Variants in NRXN3 observed in about 807,000 individuals in gnomAD.
The protein encoded by NRXN3 is neurexin 3, also known as neurexin III.
Under a neutral mutation model 137.6 loss-of-function variants are expected in NRXN3, and 32 were observed. The observed-to-expected ratio is 0.23, with a 90% CI of 0.18 to 0.31. NRXN3 has a LOEUF of 0.31. NRXN3 is among the 10% of genes least tolerant of loss of function. The probability of loss-of-function intolerance (pLI) is 1.00; values close to 1 mark genes in which losing one functional copy is unlikely to be tolerated. For synonymous variants in NRXN3, 798 were observed against 784.5 expected (o/e 1.02, Z -0.29); for missense variants, 1,574 against 2,062.5 (o/e 0.76, Z 4.59).
chr14:79,146,820 G>T (rs1320496749), intron 15 of NRXN3, among the ~76,000 whole-genome samples: 1 of 152,198 alleles, frequency 6.6e-6, no homozygotes, highest in African/African-American at 2.4e-5. Flanking sequence ...GCAGAAGGAA[G>T]AGAGGCAGCC....
At chr14:79,495,484 A>G (rs1601188036) in intron 16 of NRXN3, among the ~76,000 whole-genome samples, 1 of 152,184 alleles carries the variant, frequency 6.6e-6, no homozygotes, top group African/African-American at 2.4e-5. Flanking sequence ...CTAATTACAT[A>G]TGATATAAAG....
chr14:78,630,791 G>A (rs1409566643), intron 4 of NRXN3, among the ~76,000 whole-genome samples: 1 of 152,008 alleles, frequency 6.6e-6, no homozygotes, highest in African/African-American at 2.4e-5. Flanking sequence ...ATTTTTAGTA[G>A]AGACGGGGTT....
At chr14:78,892,681 G>A (rs2099162492) in intron 10 of NRXN3, among the ~76,000 whole-genome samples, 1 of 150,382 alleles carries the variant, frequency 6.6e-6, no homozygotes, top group Non-Finnish European at 1.5e-5. Context: ...TTATCTATAG[G>A]TTATGGCTGG....
chr14:78,970,454 A>G (rs2099433449), intron 14 of NRXN3, among the ~76,000 whole-genome samples: 1 of 152,146 alleles, frequency 6.6e-6, no homozygotes, highest in South Asian at 2.1e-4. Flanking sequence ...CTTGCAGCAC[A>G]CCTCAACCCA....
At chr14:79,264,601 C>A (rs2078169090) in intron 15 of NRXN3, among the ~76,000 whole-genome samples, 1 of 150,864 alleles carries the variant, frequency 6.6e-6, no homozygotes, top group African/African-American at 2.4e-5. Context: ...GTTTCTTTGC[C>A]TTCTTATAAG....
At chr14:78,415,866 C>T (rs2093108067) in intron 4 of NRXN3, among the ~76,000 whole-genome samples, 1 of 152,058 alleles carries the variant, frequency 6.6e-6, no homozygotes, top group African/African-American at 2.4e-5. Context: ...AGAAACACAG[C>T]TCTCACCAAG....
intron 4 of NRXN3, among the ~76,000 whole-genome samples, chr14:78,346,003 T>C (rs755050400): frequency 1.3e-5 from 2 of 152,116 alleles, no homozygotes; most frequent in Non-Finnish European, 2.9e-5. Context: ...GGGAAGGCCA[T>C]TAAAGGCTTT....
At chr14:79,553,489 A>AC (rs1352041167) in intron 16 of NRXN3, among the ~76,000 whole-genome samples, 30 of 152,106 alleles carry the variant, frequency 2.0e-4, no homozygotes, top group African/African-American at 7.0e-4. Flanking sequence ...TACTTAGTGC[A>AC]CCCCATCTCA....
chr14:78,616,482 C>T lies in NRXN3; in HGVS notation c.758-28638C>T, dbSNP rs142310399. On this transcript the variant is annotated intron_variant, in intron 4 of 20. Coordinates refer to ENST00000335750, the MANE Select transcript of NRXN3 (RefSeq NM_001330195.2). ...TACTTTCTCTTTCCTCTTATTCCAC[C>T]CTGATCTTGTCTCCACGGAGTTTTT... Among the ~76,000 whole-genome samples, 12 of 152,296 alleles carry T rather than the reference C, an allele frequency of 7.9e-5. No individual in the cohort carries two copies. The East Asian group carries it at 2.3e-3, about 29-fold the overall frequency.
At chr14:79,557,265 G>C (rs2153766300) in intron 16 of NRXN3, among the ~76,000 whole-genome samples, 1 of 150,260 alleles carries the variant, frequency 6.7e-6, no homozygotes, top group Admixed American at 6.7e-5. Flanking sequence ...GGCTGCTGTA[G>C]CACAATACCT....
At chr14:78,843,292 C>T (rs933395421) in intron 10 of NRXN3, among the ~76,000 whole-genome samples, 3 of 152,104 alleles carry the variant, frequency 2.0e-5, no homozygotes, top group Non-Finnish European at 4.4e-5. Context: ...TGCCTTCCTG[C>T]AACAATTTAT....
At chr14:78,580,395 T>A (rs2096981526) in intron 4 of NRXN3, among the ~76,000 whole-genome samples, 2 of 152,188 alleles carry the variant, frequency 1.3e-5, no homozygotes, top group Non-Finnish European at 2.9e-5. Context: ...GACACCAGGC[T>A]CATTGGTAAT....
intron 15 of NRXN3, among the ~76,000 whole-genome samples, chr14:79,089,311 G>C (rs749923589): frequency 6.6e-6 from 1 of 152,208 alleles, no homozygotes; most frequent in South Asian, 2.1e-4. Flanking sequence ...TTGAGCTCCC[G>C]AGAATGCTAG....
At chr14:79,165,404 A>G (rs2199796) in intron 15 of NRXN3, among the ~76,000 whole-genome samples, 118,768 of 151,920 alleles carry the variant, frequency 0.78, 47,713 homozygotes, top group Middle Eastern at 0.91. Context: ...TTGTGGCACA[A>G]TGCATTCACC....
intron 10 of NRXN3, among the ~76,000 whole-genome samples, chr14:78,878,151 T>C (rs1162255654): frequency 6.6e-6 from 1 of 152,134 alleles, no homozygotes; most frequent in East Asian, 1.9e-4. Flanking sequence ...TGGGTGAAAT[T>C]TGCTTTGAAT....
chr14:79,811,726 C>A (rs1460095624), intron 20 of NRXN3, among the ~76,000 whole-genome samples: 1 of 151,486 alleles, frequency 6.6e-6, no homozygotes, highest in South Asian at 2.1e-4. Flanking sequence ...GGACTACAGA[C>A]GCCCGCCACC....
chr14:78,896,454 C>T (rs2099175112), intron 10 of NRXN3, among the ~76,000 whole-genome samples: 1 of 151,840 alleles, frequency 6.6e-6, no homozygotes, highest in African/African-American at 2.4e-5. Flanking sequence ...AGCACAGACA[C>T]TATCTTGAAT....
intron 10 of NRXN3, among the ~76,000 whole-genome samples, chr14:78,865,332 G>C (rs2099084012): frequency 6.6e-6 from 1 of 152,200 alleles, no homozygotes; most frequent in Non-Finnish European, 1.5e-5. Context: ...ATAATGCAGT[G>C]TTAACATAAT....
chr14:78,355,306 G>A (rs1021873491), intron 4 of NRXN3, among the ~76,000 whole-genome samples: 23 of 151,020 alleles, frequency 1.5e-4, no homozygotes, highest in African/African-American at 5.6e-4. Context: ...GGGAGAACAA[G>A]ATAGGCAGGA....
Sources: allele counts gnomAD v4.1 joint callset (sites outside exome capture counted in the v4.1 genomes callset), GRCh38; gene constraint gnomAD v4.1.1; transcripts MANE v1.5; gene names NCBI Gene and HGNC (gene_info 2026-07-23, HGNC 2026-07-21).